BPTF: variants seen among roughly 807,000 people sequenced by gnomAD.
BPTF encodes nucleosome-remodeling factor subunit BPTF.
In BPTF, 18 loss-of-function variants were observed where a neutral mutation model predicts 292.5. The ratio of observed to expected loss-of-function variants is 0.06; its 90% CI spans 0.04 to 0.09. The LOEUF (loss-of-function observed/expected upper bound fraction) is 0.09, where lower values mean the gene tolerates loss of function less well. Among genes scored for constraint, BPTF ranks in the 10% least tolerant of loss-of-function variants. BPTF has a pLI of 1.00. For synonymous variants in BPTF, 1,225 were observed against 1,251.9 expected (o/e 0.98, Z 0.45); for missense variants, 2,726 against 3,498.7 (o/e 0.78, Z 5.57).
chr17:67,860,673 C>G (rs1265134818), intron 2 of BPTF, among the ~76,000 whole-genome samples: 2 of 152,184 alleles, frequency 1.3e-5, no homozygotes, highest in East Asian at 3.8e-4. Flanking sequence ...ATTAGATTAG[C>G]ATGTTTTTCT....
chr17:67,947,933 A>G (rs1338375729), intron 22 of BPTF, 125 bp downstream of exon 22: 6 of 1,225,320 alleles, frequency 4.9e-6, no homozygotes, highest in Non-Finnish European at 6.9e-6. Context: ...CTTGGCACTA[A>G]TAGTTACTCA....
rs776459728 is a variant in BPTF at position 67,885,571 on chromosome 17, C to G, written c.1865-6273C>G. On this transcript the variant is annotated intron_variant, in intron 4 of 27. Coordinates refer to ENST00000306378, the MANE Select transcript of BPTF (RefSeq NM_182641.4). ...TGCCACTGCACTCCAGCCTGCGCAA[C>G]AGAGTGAGACTCCATCTTAAAAAGA... is the stretch of plus-strand genomic sequence containing the variant. Among the ~76,000 whole-genome samples, 23 of 152,184 alleles carry G rather than the reference C, an allele frequency of 1.5e-4. 1 individual carries two copies. The highest frequency in any genetic ancestry group is 2.9e-4 in the Non-Finnish European group (20 of 68,036).
intron 24 of BPTF, chr17:67,963,276 G>A (rs2067695361): frequency 6.9e-7 from 1 of 1,448,456 alleles, no homozygotes; most frequent in East Asian, 2.6e-5. Context: ...ACAGATTTAA[G>A]TACCATGCAG....
At chr17:67,884,800 TA>T (rs951966339) in intron 4 of BPTF, among the ~76,000 whole-genome samples, 3 of 152,084 alleles carry the variant, frequency 2.0e-5, no homozygotes, top group African/African-American at 7.2e-5. Flanking sequence ...AGTAATTTAG[TA>T]TTTTTTTTTT....
intron 11 of BPTF, among the ~76,000 whole-genome samples, chr17:67,915,027 A>G (rs1271096425): frequency 1.3e-5 from 2 of 152,236 alleles, no homozygotes; most frequent in Non-Finnish European, 2.9e-5. Flanking sequence ...GCATATTGCT[A>G]TAAAAAGCCA....
At chr17:67,898,491 G>C (rs938484477) in intron 7 of BPTF, among the ~76,000 whole-genome samples, 1 of 151,106 alleles carries the variant, frequency 6.6e-6, no homozygotes, top group Non-Finnish European at 1.5e-5. Context: ...TAATTTTTTC[G>C]TAGAGATGGG....
In BPTF at chr17:67,948,172, A is replaced by T. The variant is rs1233151105; in HGVS notation, c.7792A>T (p.Ser2598Cys). The T allele has an allele frequency of 3.1e-6, 5 of 1,614,070 alleles. No individual in the cohort carries two copies. The African/African-American group carries it at 4.0e-5, about 13-fold the overall frequency. Residue 2598 changes from serine (S) to cysteine (C), a missense_variant, in exon 23 of 28, where the codon AGT (serine) becomes TGT (cysteine). Physicochemically the swap from Ser to Cys is moderately radical, Grantham distance 112. Around this residue, in one of 22 missense-constraint regions of BPTF, gnomAD observed 26 missense variants for 60.6 expected, o/e 0.43. Coordinates refer to ENST00000306378, the MANE Select transcript of BPTF (RefSeq NM_182641.4). ...AGCAAAAAAACGGAAGCGTGAAGAG[A>T]GTGTGGAGCAGAAACGTAGCAAGCA... ...QAAKKRKREE[S>C]VEQKRSKQNA...
Position 67,940,740 on chromosome 17 carries a change from T to TA in BPTF, c.6477+85dup, listed in dbSNP as rs1434988028. The TA allele has an allele frequency of 2.8e-6, 4 of 1,415,426 alleles. No individual in the cohort carries two copies. The African/African-American group carries it at 4.3e-5, about 15-fold the overall frequency. 87.7% of individuals were successfully genotyped at this position (1,415,426 alleles called of 1,614,324 possible). ...GTTTAAAAACATGAACTTATTTTGA[T>TA]ACGTTTTTAAATGTGCTGATTTGAA... On this transcript the variant is annotated intron_variant, in intron 19 of 27. Coordinates refer to ENST00000306378, the MANE Select transcript of BPTF (RefSeq NM_182641.4).
intron 4 of BPTF, among the ~76,000 whole-genome samples, chr17:67,885,589 TAAA>T (rs2060700718): frequency 6.6e-6 from 1 of 152,080 alleles, no homozygotes; most frequent in South Asian, 2.1e-4. Flanking sequence ...GACTCCATCT[TAAA>T]AAGAAGTTAA....
chr17:67,952,997 G>T (rs556305120), intron 23 of BPTF, among the ~76,000 whole-genome samples: 119 of 151,938 alleles, frequency 7.8e-4, no homozygotes, highest in Non-Finnish European at 1.5e-3. Flanking sequence ...GTCTTGCTCT[G>T]TCGCCCAGGC....
At chr17:67,875,314 G>T (rs781214973) in intron 4 of BPTF, among the ~76,000 whole-genome samples, 2 of 151,958 alleles carry the variant, frequency 1.3e-5, no homozygotes, top group African/African-American at 4.8e-5. Flanking sequence ...ATACACTTTT[G>T]TATGTGATAA....
At chr17:67,852,963 C>G (rs1333115984) in intron 1 of BPTF, among the ~76,000 whole-genome samples, 2 of 152,170 alleles carry the variant, frequency 1.3e-5, no homozygotes, top group Non-Finnish European at 1.5e-5. Context: ...TGGTGAAACC[C>G]CATCTCTACT....
intron 19 of BPTF, among the ~76,000 whole-genome samples, chr17:67,941,045 G>A (rs2065319714): frequency 6.6e-6 from 1 of 152,226 alleles, no homozygotes; most frequent in Non-Finnish European, 1.5e-5. Context: ...TTTGTTTTTA[G>A]TGAAACTTCA....
chr17:67,964,548 T>C (rs1317656366), intron 25 of BPTF, 144 bp downstream of exon 25: 2 of 938,914 alleles, frequency 2.1e-6, no homozygotes, highest in Non-Finnish European at 3.1e-6. Flanking sequence ...CAAACTGCAG[T>C]CCTTCACGTA....
intron 1 of BPTF, among the ~76,000 whole-genome samples, chr17:67,827,525 A>G (rs1258810746): frequency 1.3e-5 from 2 of 152,224 alleles, no homozygotes; most frequent in Non-Finnish European, 2.9e-5. Context: ...TTGCAAATCT[A>G]GATTAATTAA....
intron 1 of BPTF, among the ~76,000 whole-genome samples, chr17:67,835,712 C>T (rs1322280213): frequency 2.0e-5 from 3 of 149,342 alleles, no homozygotes; most frequent in Non-Finnish European, 4.4e-5. Context: ...GTCGCCCAGG[C>T]TGGAGTGCGG....
At chr17:67,963,107 G>A (rs1219367551) in intron 24 of BPTF, among the ~76,000 whole-genome samples, 4 of 152,108 alleles carry the variant, frequency 2.6e-5, no homozygotes, top group Non-Finnish European at 5.9e-5. Flanking sequence ...TCACTAAGCA[G>A]TGTACTTGTT....
intron 3 of BPTF, among the ~76,000 whole-genome samples, chr17:67,867,163 C>T (rs1214527090): frequency 6.6e-6 from 1 of 152,128 alleles, no homozygotes; most frequent in Admixed American, 6.5e-5. Flanking sequence ...TTGTTCATTC[C>T]ACTGTAAATT....
rs145616577 is a variant in BPTF at position 67,933,554 on chromosome 17, G to C, written c.6259+1535G>C. On this transcript the variant is annotated intron_variant, in intron 18 of 27. Coordinates refer to ENST00000306378, the MANE Select transcript of BPTF (RefSeq NM_182641.4). ...ACTGCACTCCAGCCTGGGAGACGGA[G>C]CACGACCTGTTTAAAAAAAAAGAAA... Among the ~76,000 whole-genome samples the C allele has an allele frequency of 1.0e-2, 1,513 of 151,780 alleles. 36 individuals are homozygous for C. The highest frequency in any genetic ancestry group is 0.035 in the African/African-American group (1,452 of 41,316).
Sources: gnomAD v4.1 joint callset for allele counts (sites outside exome capture counted in the v4.1 genomes callset) on GRCh38, gnomAD v4.1.1 for gene constraint, gnomAD v4.1.1 regional missense constraint, MANE v1.5 for transcripts, NCBI Gene and HGNC (gene_info 2026-07-23, HGNC 2026-07-21) for gene names.